Variants in SHQ1 observed in about 807,000 individuals in gnomAD.
The protein encoded by SHQ1 is SHQ1, H/ACA ribonucleoprotein assembly factor, also known as protein SHQ1 homolog.
A neutral mutation model predicts 53.8 loss-of-function variants in SHQ1; 49 were observed. The ratio of observed to expected loss-of-function variants is 0.91; its 90% CI spans 0.72 to 1.16. The LOEUF (loss-of-function observed/expected upper bound fraction) is 1.16. SHQ1 is among the 50% of genes most tolerant of loss of function. The probability of loss-of-function intolerance (pLI) is 0.00; values close to 1 mark genes in which losing one functional copy is unlikely to be tolerated. For missense variants in SHQ1, 738 were observed against 683.1 expected (o/e 1.08, Z -0.90); for synonymous variants, 243 against 251.0 (o/e 0.97, Z 0.30).
chr3:72,829,145 C>T (rs973398571), intron 5 of SHQ1, among the ~76,000 whole-genome samples: 4 of 152,010 alleles, frequency 2.6e-5, no homozygotes, highest in African/African-American at 9.7e-5. Context: ...GCTTTCTAAC[C>T]TGGGTGAATA....
the SHQ1 span, among the ~76,000 whole-genome samples, chr3:72,735,394 G>C: frequency 7.0e-6 from 1 of 143,734 alleles, no homozygotes; most frequent in South Asian, 2.4e-4. Flanking sequence ...GGCTCATCTT[G>C]GCTCTATATG....
chr3:72,848,439 G>A lies in SHQ1; in HGVS notation c.-99C>T. ...CTCCCCACGCGCAGGAACTCTCGGT[G>A]TGAGGGACGGAGCTTCCGGCTCGAG... On this transcript the variant is annotated 5_prime_UTR_variant, in exon 1 of 11. Coordinates refer to ENST00000325599, the MANE Select transcript of SHQ1 (RefSeq NM_018130.3). 6.5e-7 allele frequency: 1 copy of A among 1,529,568 alleles called. No homozygotes were observed. Among genetic ancestry groups the A allele is most frequent in the Non-Finnish European group, 8.7e-7 (1 of 1,143,508 alleles). 94.7% of individuals were successfully genotyped at this position (1,529,568 alleles called of 1,614,324 possible). A position where few individuals can be genotyped will look rare whatever the true frequency, so the allele number is the denominator to read the frequency against.
chr3:72,768,413 G>C (rs909484117), intron 10 of SHQ1, among the ~76,000 whole-genome samples: 2 of 152,108 alleles, frequency 1.3e-5, no homozygotes, highest in Non-Finnish European at 2.9e-5. Flanking sequence ...AAGAACACAG[G>C]CTAAACCGCG....
intron 10 of SHQ1, among the ~76,000 whole-genome samples, chr3:72,759,696 AAAC>A (rs1473868948): frequency 6.6e-6 from 1 of 152,234 alleles, no homozygotes; most frequent in Non-Finnish European, 1.5e-5. Flanking sequence ...TGTGTCAAAA[AAAC>A]AACAACAAAA....
chr3:72,807,678 C>T (rs1706992373), intron 9 of SHQ1, among the ~76,000 whole-genome samples: 1 of 152,158 alleles, frequency 6.6e-6, no homozygotes, highest in Admixed American at 6.5e-5. Context: ...AAACTTGGAG[C>T]TCATACAATA....
chr3:72,839,189 T>G (rs1708086598), intron 4 of SHQ1, among the ~76,000 whole-genome samples: 1 of 152,178 alleles, frequency 6.6e-6, no homozygotes, highest in Non-Finnish European at 1.5e-5. Flanking sequence ...TGTGTGACAT[T>G]TATTATCATT....
intron 4 of SHQ1, among the ~76,000 whole-genome samples, chr3:72,838,708 C>G (rs1202906608): frequency 6.6e-6 from 1 of 152,084 alleles, no homozygotes; most frequent in Non-Finnish European, 1.5e-5. Flanking sequence ...GCCATGTTGG[C>G]TAGACTGGTC....
chr3:72,761,302 G>C (rs1398767137), intron 10 of SHQ1, among the ~76,000 whole-genome samples: 1 of 151,976 alleles, frequency 6.6e-6, no homozygotes, highest in Non-Finnish European at 1.5e-5. Flanking sequence ...CTACCAAGTA[G>C]CCAGGATTAG....
chr3:72,805,035 A>C (rs13323218), intron 9 of SHQ1, among the ~76,000 whole-genome samples: 1 of 152,206 alleles, frequency 6.6e-6, no homozygotes, highest in Admixed American at 6.5e-5. Flanking sequence ...TGGTATAGCC[A>C]GTATAGCATA....
rs1229259939 is a variant in SHQ1 at position 72,765,552 on chromosome 3, TATA to T, written c.1182-14719_1182-14717del. Among the ~76,000 whole-genome samples, 334 of 100,552 alleles carry T rather than the reference TATA, an allele frequency of 3.3e-3. 8 individuals are homozygous for T. The highest frequency in any genetic ancestry group is 0.012 in the East Asian group (48 of 3,994). The allele number at this position is 100,552 out of a possible 152,430, so 66.0% of individuals were successfully genotyped here. ...TGACATATATATATATATATATATA[TATA>T]TATTTTTTTTTTTTTTTTGAGACAG... On this transcript the variant is annotated intron_variant, in intron 10 of 10. Transcript: ENST00000325599.
chr3:72,802,407 A>C (rs1306727955), intron 9 of SHQ1, among the ~76,000 whole-genome samples: 1 of 152,126 alleles, frequency 6.6e-6, no homozygotes, highest in Non-Finnish European at 1.5e-5. Context: ...TAAGCCTCTC[A>C]CCGGCTCCAA....
rs746231210 is a variant in SHQ1, at chr3:72,817,366, T to C, written c.746A>G (p.Glu249Gly). 3 of 1,610,714 alleles carry C rather than the reference T, an allele frequency of 1.9e-6. No individual in the cohort carries two copies. The highest frequency in any genetic ancestry group is 2.5e-6 in the Non-Finnish European group (3 of 1,178,150). Residue 249 changes from glutamate to glycine, a missense_variant, in exon 7 of 11, where the codon GAG (glutamate) becomes GGG (glycine). By Grantham distance (98) the Glu-to-Gly change is moderately conservative (BLOSUM62 -2). Transcript: ENST00000325599. ...GACAAATTTTCGTAGCTGATACTTC[T>C]CTTCTTCAGAAAAAGACACTAGAAG... Reference protein sequence around the residue: ...HATLVSFSEEEKYQLRKFVNK... With the variant: ...HATLVSFSEEGKYQLRKFVNK...
chr3:72,751,508 G>GTGTGTGTGTGTGTATATATATATATA (rs1210782182), intron 10 of SHQ1, among the ~76,000 whole-genome samples: 34 of 116,952 alleles, frequency 2.9e-4, no homozygotes, highest in African/African-American at 1.4e-3. Flanking sequence ...GTGTGTGTGT[G>GTGTGTGTGTGTGTATATATATATATA]TATATATATA....
chr3:72,846,238 T>G (rs762927226), intron 1 of SHQ1: 9 of 1,535,608 alleles, frequency 5.9e-6, no homozygotes, highest in East Asian at 2.4e-5. Context: ...AGCTACAGTC[T>G]CCATTCTTCA....
rs372032784 is a variant in SHQ1, at chr3:72,751,476, ATGTGTGTG to A, written c.1182-648_1182-641del. Among the ~76,000 whole-genome samples the A allele has an allele frequency of 1.7e-4, 19 of 109,630 alleles. 1 individual carries two copies. Among genetic ancestry groups the A allele is most frequent in the Admixed American group, 4.5e-4 (5 of 11,202 alleles). 71.9% of individuals were successfully genotyped at this position (109,630 alleles called of 152,430 possible). The stretch of plus-strand genomic sequence containing the variant: ...GGTAATATATCTATAATAAGCACAT[ATGTGTGTG>A]TGTGTGTGTGTGTGTGTGTGTGTGT... On this transcript the variant is annotated intron_variant, in intron 10 of 10. Transcript: ENST00000325599.
intron 10 of SHQ1, among the ~76,000 whole-genome samples, chr3:72,751,351 T>C (rs547171019): frequency 3.3e-5 from 5 of 151,550 alleles, no homozygotes; most frequent in African/African-American, 1.2e-4. Context: ...ATTCAGGAGG[T>C]GGAGGTTGCA....
chr3:72,817,648 A>G (rs1707359322), intron 6 of SHQ1, among the ~76,000 whole-genome samples: 1 of 152,090 alleles, frequency 6.6e-6, no homozygotes, highest in Admixed American at 6.5e-5. Flanking sequence ...TTTTTGCTAC[A>G]CTGTTCTGTA....
chr3:72,818,292 C>T (rs1220610146), intron 6 of SHQ1, among the ~76,000 whole-genome samples: 1 of 152,090 alleles, frequency 6.6e-6, no homozygotes, highest in Non-Finnish European at 1.5e-5. Context: ...TCCAATCACT[C>T]CCCCTACTGA....
At chr3:72,751,839 T>G (rs921749790) in intron 10 of SHQ1, among the ~76,000 whole-genome samples, 2 of 152,010 alleles carry the variant, frequency 1.3e-5, no homozygotes, top group African/African-American at 4.8e-5. Context: ...ACAATCCCCA[T>G]GAAGGAGAAC....
Sources: allele counts gnomAD v4.1 joint callset (sites outside exome capture counted in the v4.1 genomes callset), GRCh38; gene constraint gnomAD v4.1.1; transcripts MANE v1.5; gene names NCBI Gene and HGNC (gene_info 2026-07-23, HGNC 2026-07-21).